CNOT10: variants seen among roughly 807,000 people sequenced by gnomAD.
CNOT10 encodes CCR4-NOT transcription complex subunit 10.
A neutral mutation model predicts 94.6 loss-of-function variants in CNOT10; 30 were observed. The ratio of observed to expected loss-of-function variants is 0.32; its 90% CI spans 0.24 to 0.43. The LOEUF (loss-of-function observed/expected upper bound fraction) is 0.43, where lower values mean the gene tolerates loss of function less well. CNOT10 is among the 20% of genes least tolerant of loss of function. The pLI is 1.00. For missense variants in CNOT10, 759 were observed against 877.2 expected (o/e 0.87, Z 1.70); for synonymous variants, 289 against 301.6 (o/e 0.96, Z 0.43).
chr3:32,693,043 C>G (rs1453068225), intron 1 of CNOT10, among the ~76,000 whole-genome samples: 1 of 152,080 alleles, frequency 6.6e-6, no homozygotes, highest in East Asian at 1.9e-4. Context: ...GACCCTGTCT[C>G]AGAAACAACA....
chr3:32,748,647 G>A (rs1699819278), intron 13 of CNOT10, among the ~76,000 whole-genome samples: 1 of 151,666 alleles, frequency 6.6e-6, no homozygotes, highest in Non-Finnish European at 1.5e-5. Context: ...CGAGTAGCTG[G>A]GATTACAGCT....
chr3:32,709,578 G>A (rs1697777404), intron 4 of CNOT10, among the ~76,000 whole-genome samples: 1 of 152,178 alleles, frequency 6.6e-6, no homozygotes. Flanking sequence ...GTCCCCTTTT[G>A]CTGACAGCTG....
intron 14 of CNOT10, among the ~76,000 whole-genome samples, chr3:32,762,226 G>A (rs2125636154): frequency 6.7e-6 from 1 of 149,278 alleles, no homozygotes; most frequent in Admixed American, 6.7e-5. Flanking sequence ...CACTTTGGGA[G>A]GCCAAGACGG....
At chr3:32,769,079 GA>G (rs1384621413) in intron 17 of CNOT10, 2 of 152,184 alleles carry the variant, frequency 1.3e-5, no homozygotes, top group African/African-American at 4.8e-5. Context: ...GTTATCAGGG[GA>G]AGTCCCTGTC....
intron 13 of CNOT10, among the ~76,000 whole-genome samples, chr3:32,747,419 G>A (rs777590291): frequency 4.0e-5 from 6 of 151,758 alleles, no homozygotes; most frequent in Admixed American, 6.6e-5. Flanking sequence ...GTGAAACTCC[G>A]TCTCAATAAA....
chr3:32,713,267 C>T lies in CNOT10; in HGVS notation c.471C>T (p.Asp157=), dbSNP rs758497569. ...AAGCAGTGTGTTTTTTGCTTGTAGA[C>T]CTGTATATATTAACCTACCAAGCTG... is the stretch of plus-strand genomic sequence containing the variant. ...FAQAVCFLLV[D]LYILTYQAEK... The change falls in exon 5 of 19, where the codon GAC becomes GAT. Residue 157 remains aspartate (D), a synonymous_variant. Transcript: ENST00000328834. 7 of 1,588,700 alleles carry T rather than the reference C, an allele frequency of 4.4e-6. No homozygotes were observed. Among genetic ancestry groups the T allele is most frequent in the Non-Finnish European group, 6.0e-6 (7 of 1,173,568 alleles).
At chr3:32,739,252 C>T (rs936380462) in intron 13 of CNOT10, among the ~76,000 whole-genome samples, 2 of 152,182 alleles carry the variant, frequency 1.3e-5, no homozygotes, top group African/African-American at 4.8e-5. Flanking sequence ...TCTCTCCTTT[C>T]TTCCCTAAGC....
chr3:32,691,843 T>C (rs1696860772), intron 1 of CNOT10, among the ~76,000 whole-genome samples: 1 of 150,530 alleles, frequency 6.6e-6, no homozygotes, highest in South Asian at 2.1e-4. Flanking sequence ...ATCAGTTGAG[T>C]TCAGGAGTTA....
At chr3:32,692,314 T>TTGCC (rs1559474278) in intron 1 of CNOT10, among the ~76,000 whole-genome samples, 3 of 152,178 alleles carry the variant, frequency 2.0e-5, no homozygotes, top group Admixed American at 2.0e-4. Context: ...CAGGCTGGTC[T>TTGCC]CAAACTCTTG....
chr3:32,703,608 AC>A (rs1304746504), intron 1 of CNOT10, among the ~76,000 whole-genome samples: 3 of 152,208 alleles, frequency 2.0e-5, no homozygotes, highest in Admixed American at 2.0e-4. Flanking sequence ...GGTATCTTAT[AC>A]AACATGGAAT....
chr3:32,719,620 G>C (rs1201144327), intron 7 of CNOT10, among the ~76,000 whole-genome samples: 1 of 152,128 alleles, frequency 6.6e-6, no homozygotes, highest in African/African-American at 2.4e-5. Context: ...TTGCAAATAA[G>C]GCATTCTGTT....
In CNOT10 at chr3:32,685,228, CG is replaced by C; in HGVS notation, c.-230del. On this transcript the variant is annotated 5_prime_UTR_variant, in exon 1 of 19. It introduces an in-frame stop codon into an upstream open reading frame of the 5' UTR. Coordinates refer to ENST00000328834, the MANE Select transcript of CNOT10 (RefSeq NM_015442.3). Reference sequence around the variant, plus strand: ...GCCGTGAGGCGGAAGCTGTGTATGGCGGGAGGCTGTGGCGGTCCCTTGGTGG... The same window carrying C: ...GCCGTGAGGCGGAAGCTGTGTATGGCGGAGGCTGTGGCGGTCCCTTGGTGG... 1 of 502,054 alleles carries C rather than the reference CG, an allele frequency of 2.0e-6. No individual in the cohort carries two copies. The highest frequency in any genetic ancestry group is 2.3e-5 in the South Asian group (1 of 43,678). 31.1% of individuals were successfully genotyped at this position (502,054 alleles called of 1,614,324 possible). A position where few individuals can be genotyped will look rare whatever the true frequency, so the allele number is the denominator to read the frequency against.
chr3:32,749,699 T>C (rs756896603), intron 13 of CNOT10, among the ~76,000 whole-genome samples: 5 of 152,102 alleles, frequency 3.3e-5, no homozygotes, highest in Non-Finnish European at 5.9e-5. Context: ...CATGAGCCAC[T>C]GCGGCCTGCC....
chr3:32,754,464 A>G (rs112238410), intron 13 of CNOT10, among the ~76,000 whole-genome samples: 6,025 of 90,768 alleles, frequency 0.066, 245 homozygotes, highest in Middle Eastern at 0.088. Flanking sequence ...GCGACAGAGC[A>G]AGACTCCGTC....
At chr3:32,714,093 G>A (rs1040848699) in intron 5 of CNOT10, among the ~76,000 whole-genome samples, 2 of 152,026 alleles carry the variant, frequency 1.3e-5, no homozygotes, top group African/African-American at 4.8e-5. Flanking sequence ...ATACAAGACT[G>A]TTTTACAAAG....
chr3:32,721,079 T>TG (rs1698382861), intron 8 of CNOT10, among the ~76,000 whole-genome samples: 1 of 132,536 alleles, frequency 7.5e-6, no homozygotes, highest in Non-Finnish European at 1.6e-5. Context: ...TTTTTTTTTT[T>TG]GACAGAGTCT....
intron 14 of CNOT10, among the ~76,000 whole-genome samples, chr3:32,761,155 A>G (rs565573165): frequency 5.9e-5 from 9 of 152,252 alleles, no homozygotes; most frequent in Admixed American, 4.6e-4. Flanking sequence ...TCATTCAACT[A>G]TATAAGAGAC....
intron 13 of CNOT10, among the ~76,000 whole-genome samples, chr3:32,751,360 C>T (rs2125612672): frequency 6.6e-6 from 1 of 152,274 alleles, no homozygotes; most frequent in Middle Eastern, 3.4e-3. Flanking sequence ...CCCACATCAG[C>T]CTCCCAATGT....
intron 15 of CNOT10, 125 bp from the exon 16 acceptor site, chr3:32,764,330 C>G: frequency 2.2e-6 from 2 of 904,278 alleles, no homozygotes; most frequent in Non-Finnish European, 1.7e-6. Context: ...GAGCGAGGCT[C>G]CATCTCAAAA....
Sources: gnomAD v4.1 joint callset for allele counts (sites outside exome capture counted in the v4.1 genomes callset) on GRCh38, gnomAD v4.1.1 for gene constraint, MANE v1.5 for transcripts, NCBI Gene and HGNC (gene_info 2026-07-23, HGNC 2026-07-21) for gene names.